ANKRD26: variants seen among roughly 807,000 people sequenced by gnomAD.
The protein encoded by ANKRD26 is ankyrin repeat domain-containing protein 26.
Under a neutral mutation model 208.7 loss-of-function variants are expected in ANKRD26, and 141 were observed. That is an observed-to-expected ratio of 0.68 (90% confidence interval 0.59 to 0.78). The LOEUF (loss-of-function observed/expected upper bound fraction) is 0.78, where lower values mean the gene tolerates loss of function less well. ANKRD26 is among the 30% of genes least tolerant of loss of function. The pLI is 0.00. For synonymous variants in ANKRD26, 636 were observed against 660.4 expected (o/e 0.96, Z 0.57); for missense variants, 1,889 against 1,938.7 (o/e 0.97, Z 0.48).
intron 5 of ANKRD26, among the ~76,000 whole-genome samples, chr10:26,977,759 T>G (rs1456572291): frequency 6.6e-6 from 1 of 152,160 alleles, no homozygotes; most frequent in Non-Finnish European, 1.5e-5. Flanking sequence ...GTGCATTACT[T>G]TTTCCAGCTG....
chr10:27,051,172 C>T (rs983061634), intron 16 of ANKRD26: 3 of 1,289,822 alleles, frequency 2.3e-6, no homozygotes, highest in African/African-American at 3.0e-5. Flanking sequence ...TTTAGAGATA[C>T]TTTTGATGTT....
Position 27,067,173 on chromosome 10 carries a change from G to C in ANKRD26, c.1191C>G (p.His397Gln), listed in dbSNP as rs1272949033. 1 of 1,613,330 alleles carries C rather than the reference G, an allele frequency of 6.2e-7. No homozygotes were observed. The highest frequency in any genetic ancestry group is 1.1e-5 in the South Asian group (1 of 91,056). ...CTAACTTACCACTTCTATTATTTTTGTGCACTTCATCAACATAAGTCAAAT... is the reference window on the plus strand; with the variant it reads ...CTAACTTACCACTTCTATTATTTTTCTGCACTTCATCAACATAAGTCAAAT... ...NDNLTYVDEV[H>Q]KNNRSDMMSA... The change falls in exon 10 of 34, where the codon CAC becomes CAG. Residue 397 changes from histidine (H) to glutamine (Q), a missense_variant. By Grantham distance (24) the His-to-Gln change is conservative. Around this residue, in one of 3 missense-constraint regions of ANKRD26, gnomAD observed 1,272 missense variants for 1,273.8 expected, o/e 1.00. Transcript: ENST00000376087.
At chr10:27,076,093 C>G (rs2055687957) in intron 9 of ANKRD26, among the ~76,000 whole-genome samples, 1 of 152,034 alleles carries the variant, frequency 6.6e-6, no homozygotes, top group African/African-American at 2.4e-5. Context: ...CCTCTTACAG[C>G]AAATCAGTAC....
At chr10:27,081,742 T>C (rs554679354) in intron 6 of ANKRD26, among the ~76,000 whole-genome samples, 38 of 152,030 alleles carry the variant, frequency 2.5e-4, no homozygotes, top group African/African-American at 8.9e-4. Flanking sequence ...TGGAATACTA[T>C]GCTTTTTTTT....
intron 10 of ANKRD26, 29 bp from the exon 11 acceptor site, chr10:27,066,577 A>ATGAGAACATTTACT (rs760491552): frequency 2.0e-6 from 3 of 1,467,098 alleles, no homozygotes; most frequent in Non-Finnish European, 2.8e-6. Flanking sequence ...AGATATATTC[A>ATGAGAACATTTACT]TGAGAACATT....
chr10:27,018,861 AG>A (rs2053392999), intron 29 of ANKRD26, among the ~76,000 whole-genome samples: 1 of 152,252 alleles, frequency 6.6e-6, no homozygotes, highest in Non-Finnish European at 1.5e-5. Flanking sequence ...GATGTAAAAA[AG>A]TAAGACCTTG....
At chr10:27,017,852 A>G in intron 29 of ANKRD26, 60 bp from the exon 30 acceptor site, 1 of 1,494,554 alleles carries the variant, frequency 6.7e-7, no homozygotes, top group Non-Finnish European at 9.1e-7. Context: ...ATAGCCTAAC[A>G]TAAAACCAAG....
chr10:27,066,483 G>T lies in ANKRD26; in HGVS notation c.1269+4C>A. 2 of 1,577,078 alleles carry T rather than the reference G, an allele frequency of 1.3e-6. No individual in the cohort carries two copies. Among genetic ancestry groups the T allele is most frequent in the African/African-American group, 1.3e-5 (1 of 74,224 alleles). ...AAAATAATAGTAACAACCATAGAAA[G>T]TACCTCAGAATCCCAAGGTGATTCT... is the stretch of plus-strand genomic sequence containing the variant. On this transcript the variant is annotated splice_donor_region_variant and intron_variant, in intron 11 of 33. Transcript: ENST00000376087.
At chr10:26,988,604 T>C (rs185667924), downstream of ANKRD26, among the ~76,000 whole-genome samples, 705 of 152,266 alleles carry the variant, frequency 4.6e-3, 3 homozygotes, top group Middle Eastern at 0.017. Context: ...CAAACAAATA[T>C]TGGCTGTGTG....
chr10:27,089,672 G>A (rs2056234697), intron 4 of ANKRD26, among the ~76,000 whole-genome samples: 1 of 152,148 alleles, frequency 6.6e-6, no homozygotes, highest in African/African-American at 2.4e-5. Context: ...TGTGCTTGTA[G>A]TCCCAGCTAC....
At chr10:26,959,412 C>T in the ANKRD26 span, among the ~76,000 whole-genome samples, 1 of 151,986 alleles carries the variant, frequency 6.6e-6, no homozygotes, top group African/African-American at 2.4e-5. Flanking sequence ...CCATGTGAAC[C>T]CAGATTCAGG....
At chr10:27,089,971 T>C (rs1305637136) in intron 4 of ANKRD26, among the ~76,000 whole-genome samples, 1 of 152,218 alleles carries the variant, frequency 6.6e-6, no homozygotes, top group Non-Finnish European at 1.5e-5. Flanking sequence ...TTTAAACCTC[T>C]ATTTAGTGTT....
Position 27,050,237 on chromosome 10 carries a change from A to G in ANKRD26, c.1636-1258T>C, listed in dbSNP as rs2054603790. ...TCTGTCTCAAAAAAAAAAAAAAAAA[A>G]AAAAAAAAAAGAAAGAAAGAAAGAA... On this transcript the variant is annotated intron_variant, in intron 16 of 33. Transcript: ENST00000376087. Among the ~76,000 whole-genome samples the G allele has an allele frequency of 1.3e-5, 2 of 149,672 alleles. 1 individual carries two copies. The highest frequency in any genetic ancestry group is 1.3e-4 in the Admixed American group (2 of 15,058).
At chr10:27,065,827 C>T (rs2055220749) in intron 11 of ANKRD26, among the ~76,000 whole-genome samples, 1 of 147,738 alleles carries the variant, frequency 6.8e-6, no homozygotes, top group Admixed American at 6.8e-5. Context: ...GAATCATACA[C>T]TTGGCCATAG....
downstream of ANKRD26, chr10:27,003,989 T>C (rs2052787437): frequency 1.3e-5 from 2 of 152,220 alleles, no homozygotes; most frequent in South Asian, 2.1e-4. Flanking sequence ...ATAGATTAGA[T>C]ATTAACATTG....
At chr10:27,001,155 C>T (rs2052715433), downstream of ANKRD26, among the ~76,000 whole-genome samples, 1 of 152,124 alleles carries the variant, frequency 6.6e-6, no homozygotes, top group Admixed American at 6.5e-5. Context: ...ATATGGAGTC[C>T]TATTCTCCTT....
intron 3 of ANKRD26, among the ~76,000 whole-genome samples, chr10:27,092,998 G>T (rs1268445933): frequency 1.3e-5 from 2 of 152,012 alleles, no homozygotes; most frequent in Non-Finnish European, 2.9e-5. Flanking sequence ...CAGGAGAATT[G>T]CTTGAACCCG....
At chr10:27,032,226 C>A (rs569017354) in intron 25 of ANKRD26, among the ~76,000 whole-genome samples, 5 of 152,132 alleles carry the variant, frequency 3.3e-5, no homozygotes, top group Admixed American at 6.5e-5. Flanking sequence ...AAGATGGGTG[C>A]GGTGGCTCAC....
chr10:27,016,240 T>G (rs571488050), intron 30 of ANKRD26, among the ~76,000 whole-genome samples: 2 of 152,274 alleles, frequency 1.3e-5, no homozygotes, highest in East Asian at 3.9e-4. Flanking sequence ...TCCTCCCGCC[T>G]CAGCCCTCAA....
Sources: allele counts gnomAD v4.1 joint callset (sites outside exome capture counted in the v4.1 genomes callset), GRCh38; gene constraint gnomAD v4.1.1; regional missense constraint gnomAD v4.1.1; transcripts MANE v1.5; gene names NCBI Gene and HGNC (gene_info 2026-07-23, HGNC 2026-07-21).